The following ADGRL2 variants were observed in gnomAD, a reference collection of about 807,000 sequenced individuals.
The protein encoded by ADGRL2 is calcium-independent alpha-latrotoxin receptor 2.
A neutral mutation model predicts 157.4 loss-of-function variants in ADGRL2; 44 were observed. The observed-to-expected ratio is 0.28, with a 90% CI of 0.22 to 0.36. The LOEUF is 0.36. Among genes scored for constraint, ADGRL2 ranks in the 10% least tolerant of loss-of-function variants. The probability of loss-of-function intolerance (pLI) is 1.00; values close to 1 mark genes in which losing one functional copy is unlikely to be tolerated. For missense variants in ADGRL2, 1,510 were observed against 1,768.9 expected, an observed-to-expected ratio of 0.85 and a Z score of 2.63; for synonymous variants, 585 against 624.7, an observed-to-expected ratio of 0.94 and a Z score of 0.95.
chr1:81,408,544 A>G (rs963487184), intron 1 of ADGRL2, among the ~76,000 whole-genome samples: 2 of 152,196 alleles, frequency 1.3e-5, no homozygotes, highest in African/African-American at 2.4e-5. Context: ...AAAACTGGGA[A>G]TCTGCTGTTC....
At chr1:81,453,474 A>G (rs972216602) in intron 2 of ADGRL2, among the ~76,000 whole-genome samples, 6 of 152,186 alleles carry the variant, frequency 3.9e-5, no homozygotes, top group Non-Finnish European at 5.9e-5. Flanking sequence ...CAGCCACTTA[A>G]GAGTTCTAGT....
rs1295209570 is a variant in ADGRL2 at position 81,427,794 on chromosome 1, G to A, written c.-301-17242G>A. Among the ~76,000 whole-genome samples the A allele has an allele frequency of 3.3e-5, 5 of 152,142 alleles. No individual in the cohort carries two copies. The East Asian group carries it at 9.6e-4, about 29-fold the overall frequency. ...CTTAAACAGGAAACCTTCTTGTTCA[G>A]GACTGCCATAGCCATAGTTTGCAAA... On this transcript the variant is annotated intron_variant, in intron 1 of 24. Coordinates refer to the ADGRL2 transcript ENST00000370721.
intron 3 of ADGRL2, among the ~76,000 whole-genome samples, chr1:81,640,632 A>AAAAT (rs3045494): frequency 0.11 from 15,053 of 139,536 alleles, 894 homozygotes; most frequent in Middle Eastern, 0.14. Flanking sequence ...CTCCATCTCA[A>AAAAT]AAATAAATAA....
chr1:81,885,058 G>C (rs1030293438), intron 2 of ADGRL2, among the ~76,000 whole-genome samples: 1 of 152,232 alleles, frequency 6.6e-6, no homozygotes, highest in Admixed American at 6.5e-5. Flanking sequence ...TATGGAGTTA[G>C]AGACATAAAA....
At chr1:81,718,970 G>T (rs182814305) in intron 1 of ADGRL2, among the ~76,000 whole-genome samples, 1 of 152,326 alleles carries the variant, frequency 6.6e-6, no homozygotes, top group Non-Finnish European at 1.5e-5. Context: ...GAATTTTTGT[G>T]ATTGAATATC....
rs143557464 is a variant in ADGRL2 at position 81,579,079 on chromosome 1, T to C, written c.-247-1797T>C. On this transcript the variant is annotated intron_variant, in intron 2 of 24. Transcript: ENST00000370721. ...TTGAATGTTTTCCTTTGTTTACCTA[T>C]GGGGAGTTCATTCTGCAATGGGAAG... Among the ~76,000 whole-genome samples the C allele has an allele frequency of 7.3e-3, 1,108 of 152,254 alleles. 19 individuals are homozygous for C. The highest frequency in any genetic ancestry group is 0.026 in the African/African-American group (1,066 of 41,554).
At chr1:81,806,364 A>G (rs1407563255) in intron 1 of ADGRL2, among the ~76,000 whole-genome samples, 5 of 152,084 alleles carry the variant, frequency 3.3e-5, no homozygotes. Context: ...TTTCACAATC[A>G]GCAGAAACAT....
chr1:81,792,426 G>C (rs1307039951), intron 2 of ADGRL2, among the ~76,000 whole-genome samples: 1 of 151,980 alleles, frequency 6.6e-6, no homozygotes, highest in Non-Finnish European at 1.5e-5. Context: ...TATTGTGCCA[G>C]AACACAAATA....
intron 2 of ADGRL2, among the ~76,000 whole-genome samples, chr1:81,497,828 G>A (rs2078762108): frequency 6.6e-6 from 1 of 152,142 alleles, no homozygotes; most frequent in South Asian, 2.1e-4. Context: ...TTGATCTAAA[G>A]CCAAAAGTGA....
intron 1 of ADGRL2, among the ~76,000 whole-genome samples, chr1:81,376,585 T>G (rs997057588): frequency 2.0e-5 from 3 of 151,508 alleles, no homozygotes; most frequent in African/African-American, 7.3e-5. Context: ...CCTTCCTTCC[T>G]TCTTTCCTTG....
chr1:81,775,826 C>A (rs199823359), intron 2 of ADGRL2, among the ~76,000 whole-genome samples: 1 of 152,098 alleles, frequency 6.6e-6, no homozygotes. Flanking sequence ...AAATATTATC[C>A]TTGGGCTACT....
intron 3 of ADGRL2, among the ~76,000 whole-genome samples, chr1:81,676,660 GT>G (rs1354110052): frequency 1.3e-5 from 2 of 151,924 alleles, no homozygotes; most frequent in South Asian, 4.2e-4. Context: ...CTGTGGAAAT[GT>G]GTACAGAACT....
intron 1 of ADGRL2, among the ~76,000 whole-genome samples, chr1:81,361,993 T>TG (rs1391474952): frequency 2.0e-5 from 3 of 151,908 alleles, no homozygotes; most frequent in Non-Finnish European, 4.4e-5. Context: ...GGAAAGCCCT[T>TG]GGTCCTCTTG....
At chr1:81,862,971 G>A (rs2093432078) in intron 2 of ADGRL2, among the ~76,000 whole-genome samples, 1 of 152,048 alleles carries the variant, frequency 6.6e-6, no homozygotes. Flanking sequence ...CAAGAAAAAC[G>A]AACAAACACT....
chr1:81,533,243 G>A (rs997692001), intron 2 of ADGRL2, among the ~76,000 whole-genome samples: 1 of 152,050 alleles, frequency 6.6e-6, no homozygotes, highest in African/African-American at 2.4e-5. Flanking sequence ...ATCAGCTGTG[G>A]TGATGCACGC....
chr1:81,490,386 C>A (rs1215592779), intron 2 of ADGRL2, among the ~76,000 whole-genome samples: 1 of 152,124 alleles, frequency 6.6e-6, no homozygotes, highest in Non-Finnish European at 1.5e-5. Flanking sequence ...CCGGCCCTGG[C>A]CTCCCAAAGT....
At position 81,487,108 on chromosome 1, in the gene ADGRL2, A is replaced by AAAAAT. The variant is rs537612028; in HGVS notation, c.-248+42020_-248+42021insAAATA. Among the ~76,000 whole-genome samples, 1,286 of 135,496 alleles carry AAAAAT rather than the reference A, an allele frequency of 9.5e-3. 40 individuals are homozygous for AAAAAT. The highest frequency in any genetic ancestry group is 0.031 in the African/African-American group (1,130 of 36,768). The allele number at this position is 135,496 out of a possible 152,430, so 88.9% of individuals were successfully genotyped here. On this transcript the variant is annotated intron_variant, in intron 2 of 24. Coordinates refer to the ADGRL2 transcript ENST00000370721. Reference sequence around the variant, plus strand: ...CATCTCTACAAAAAAAAAAAAAAAAAAGAAAGTAAATCAGCCAGGTGTGGT... The same window carrying AAAAAT: ...CATCTCTACAAAAAAAAAAAAAAAAAAAAATAGAAAGTAAATCAGCCAGGTGTGGT...
intron 1 of ADGRL2, among the ~76,000 whole-genome samples, chr1:81,312,728 G>A (rs1255636033): frequency 6.6e-6 from 1 of 152,110 alleles, no homozygotes; most frequent in Non-Finnish European, 1.5e-5. Context: ...GGGTGTTATC[G>A]GATTCAGAGA....
At chr1:81,350,311 T>C (rs938101337) in intron 1 of ADGRL2, among the ~76,000 whole-genome samples, 2 of 152,212 alleles carry the variant, frequency 1.3e-5, no homozygotes, top group African/African-American at 4.8e-5. Flanking sequence ...CAATAATTCA[T>C]CTGCTTACTG....
Sources: allele counts gnomAD v4.1 joint callset (sites outside exome capture counted in the v4.1 genomes callset), GRCh38; gene constraint gnomAD v4.1.1; transcripts MANE v1.5; gene names NCBI Gene and HGNC (gene_info 2026-07-23, HGNC 2026-07-21).